The following MYL3 variants were observed in gnomAD, a reference collection of about 807,000 sequenced individuals.
MYL3 encodes the protein CMLC1.
In MYL3, 11 loss-of-function variants were observed where a neutral mutation model predicts 21.3. The observed-to-expected ratio is 0.52, with a 90% CI of 0.32 to 0.85. MYL3 has a LOEUF of 0.85. MYL3 is among the 40% of genes least tolerant of loss of function. The probability of loss-of-function intolerance (pLI) is 0.03; values close to 1 mark genes in which losing one functional copy is unlikely to be tolerated. For missense variants in MYL3, 206 were observed against 253.3 expected (o/e 0.81, Z 1.27); for synonymous variants, 88 against 91.6 (o/e 0.96, Z 0.22).
chr3:46,871,429 TGGCACATCCG>T (rs1702112308), intron 1 of MYL3, among the ~76,000 whole-genome samples: 1 of 152,102 alleles, frequency 6.6e-6, no homozygotes, highest in Non-Finnish European at 1.5e-5. Flanking sequence ...GTGTTGTTCT[TGGCACATCCG>T]GGCCAGATAA....
At chr3:46,872,212 C>A (rs2029958030) in intron 1 of MYL3, among the ~76,000 whole-genome samples, 1 of 152,158 alleles carries the variant, frequency 6.6e-6, no homozygotes, top group South Asian at 2.1e-4. Flanking sequence ...GAGCTTGAAG[C>A]CAAGACAACA....
At chr3:46,862,082 G>A (rs1486474050) in intron 1 of MYL3, among the ~76,000 whole-genome samples, 1 of 152,216 alleles carries the variant, frequency 6.6e-6, no homozygotes, top group Non-Finnish European at 1.5e-5. Context: ...GCAACCTGGG[G>A]ATGGGGGAAG....
At chr3:46,877,155 G>A (rs1422430881) in intron 1 of MYL3, among the ~76,000 whole-genome samples, 1 of 152,180 alleles carries the variant, frequency 6.6e-6, no homozygotes, top group African/African-American at 2.4e-5. Flanking sequence ...TGAGGTGGCT[G>A]TGGGGCTGTA....
chr3:46,871,312 T>G (rs1241455272), intron 1 of MYL3, among the ~76,000 whole-genome samples: 1 of 151,942 alleles, frequency 6.6e-6, no homozygotes, highest in Non-Finnish European at 1.5e-5. Context: ...CACTGCCTCC[T>G]CTCACCCCAC....
chr3:46,859,385 C>A lies in MYL3; in HGVS notation c.481+90G>T. The A allele has an allele frequency of 6.5e-7, 1 of 1,538,770 alleles. No individual in the cohort carries two copies. Among genetic ancestry groups the A allele is most frequent in the Admixed American group, 1.7e-5 (1 of 59,256 alleles). ...TAATTATGTAACTCTCTCCATTTCA[C>A]CAATGGGTCACAGGCCTGGGGGGCA... On this transcript the variant is annotated intron_variant, in intron 4 of 6. Coordinates refer to ENST00000292327, the MANE Select transcript of MYL3 (RefSeq NM_000258.3). The surrounding 1 kb of genome is among the most constrained non-coding windows in gnomAD (Gnocchi z 4.1).
In MYL3 at chr3:46,857,965, C is replaced by T. The variant is rs1701945156; in HGVS notation, c.*150G>A. 2.4e-5 allele frequency: 13 copies of T among 546,728 alleles called. No homozygotes were observed. Among genetic ancestry groups the T allele is most frequent in the Non-Finnish European group, 3.3e-5 (10 of 302,546 alleles). The allele number at this position is 546,728 out of a possible 1,614,324, so 33.9% of individuals were successfully genotyped here. A position where few individuals can be genotyped will look rare whatever the true frequency, so the allele number is the denominator to read the frequency against. Reference sequence around the variant, plus strand: ...AGCACAGCCTGAGAGGGGCCAGAGACGGCAACCACGTGGAGAGGTCCAAGG... The same window carrying T: ...AGCACAGCCTGAGAGGGGCCAGAGATGGCAACCACGTGGAGAGGTCCAAGG... On this transcript the variant is annotated 3_prime_UTR_variant, in exon 7 of 7. Transcript: ENST00000292327. This position sits in a 1 kb window ranked among gnomAD's most constrained non-coding sequence, Gnocchi z 5.0.
At position 46,860,077 on chromosome 3, in the gene MYL3, C is replaced by CT. The variant is rs201879063; in HGVS notation, c.308-430dup. On this transcript the variant is annotated intron_variant, in intron 3 of 6. Transcript: ENST00000292327. The surrounding 1 kb of genome is among the most constrained non-coding windows in gnomAD (Gnocchi z 4.6). ...CTTGGTGGGGGCTTGGGCCTCACTCCTTTTTTTTTTTTTAGCTTTAAAATT... is the reference window on the plus strand; with the variant it reads ...CTTGGTGGGGGCTTGGGCCTCACTCCTTTTTTTTTTTTTTAGCTTTAAAATT... 4.3e-3 allele frequency among the ~76,000 whole-genome samples: 611 copies of CT among 142,632 alleles called. 2 individuals carry two copies. The highest frequency in any genetic ancestry group is 0.013 in the African/African-American group (499 of 39,012). The allele number at this position is 142,632 out of a possible 152,430, so 93.6% of individuals were successfully genotyped here. A position where few individuals can be genotyped will look rare whatever the true frequency, so the allele number is the denominator to read the frequency against.
rs41289642 is a variant in MYL3, at chr3:46,858,696, G to T, written c.482-235C>A. ...CTCTGTCCCACTAGGCTGGGAGGGGGTCCCTCCGCCAGGACGAAGCCAGGG... is the reference window on the plus strand; with the variant it reads ...CTCTGTCCCACTAGGCTGGGAGGGGTTCCCTCCGCCAGGACGAAGCCAGGG... On this transcript the variant is annotated intron_variant, in intron 4 of 6. Coordinates refer to ENST00000292327, the MANE Select transcript of MYL3 (RefSeq NM_000258.3). 3.9e-3 allele frequency among the ~76,000 whole-genome samples: 593 copies of T among 152,284 alleles called. 1 individual carries two copies. The highest frequency in any genetic ancestry group is 5.6e-3 in the Non-Finnish European group (384 of 68,016).
chr3:46,878,494 T>G (rs1230692838), intron 1 of MYL3, among the ~76,000 whole-genome samples: 1 of 152,156 alleles, frequency 6.6e-6, no homozygotes, highest in Non-Finnish European at 1.5e-5. Flanking sequence ...CAGTCTGGGA[T>G]CAGGGCTAAG....
At position 46,863,333 on chromosome 3, in the gene MYL3, C is replaced by A. The variant is rs1384774790; in HGVS notation, c.58G>T (p.Ala20Ser). ...TCAGGGGGAGGTGCGGGAGCTGGAG[C>A]TGCCTTGGGGGCTGCCTTGGCATCA... ...KDDAKAAPKA[A>S]PAPAPPPEPE... The change falls in exon 1 of 7, where the codon GCT becomes TCT. Residue 20 changes from alanine to serine, a missense_variant. Transcript: ENST00000292327. The A allele has an allele frequency of 6.2e-7, 1 of 1,613,984 alleles. No individual in the cohort carries two copies. Among genetic ancestry groups the A allele is most frequent in the Admixed American group, 1.7e-5 (1 of 60,028 alleles).
At chr3:46,880,803 G>C (rs1479551423) in intron 1 of MYL3, among the ~76,000 whole-genome samples, 5 of 152,182 alleles carry the variant, frequency 3.3e-5, no homozygotes, top group Non-Finnish European at 7.3e-5. Flanking sequence ...AATGCACCTG[G>C]GAGTGCAGTC....
Position 46,858,586 on chromosome 3 carries a change from C to A in MYL3, c.482-125G>T. ...GTATTCCCACAACCAGCACTGTTCA[C>A]AAGACCTTGGCCATCACCCCATTTC... On this transcript the variant is annotated intron_variant, in intron 4 of 6. Transcript: ENST00000292327. 1.6e-5 allele frequency: 15 copies of A among 939,742 alleles called. No homozygotes were observed. The South Asian group carries it at 1.9e-4, about 12-fold the overall frequency. 58.2% of individuals were successfully genotyped at this position (939,742 alleles called of 1,614,324 possible).
upstream of MYL3, among the ~76,000 whole-genome samples, chr3:46,866,852 G>A (rs1234970267): frequency 1.3e-5 from 2 of 152,128 alleles, no homozygotes; most frequent in African/African-American, 4.8e-5. Flanking sequence ...CAATTCAGGC[G>A]TGCTCTTCAC....
rs1226795887 is a variant in MYL3 at position 46,874,696 on chromosome 3, C to A, written c.-218+7378G>T. Among the ~76,000 whole-genome samples, 2 of 152,310 alleles carry A rather than the reference C, an allele frequency of 1.3e-5. No individual in the cohort carries two copies. Among genetic ancestry groups the A allele is most frequent in the African/African-American group, 4.8e-5 (2 of 41,552 alleles). On this transcript the variant is annotated intron_variant, in intron 1 of 3. Transcript: ENST00000431168. The surrounding 1 kb of genome is among the most constrained non-coding windows in gnomAD (Gnocchi z 4.1). Reference sequence around the variant, plus strand: ...GGGAGAGGCGGAAACACGTGTCAAACACGCCTGGGAGGGGGTATTCCGAGG... The same window carrying A: ...GGGAGAGGCGGAAACACGTGTCAAAAACGCCTGGGAGGGGGTATTCCGAGG...
At chr3:46,867,044 A>G (rs374297849), upstream of MYL3, among the ~76,000 whole-genome samples, 293 of 151,960 alleles carry the variant, frequency 1.9e-3, 11 homozygotes, top group South Asian at 0.057. Flanking sequence ...CCCCAGACTC[A>G]GGTCTCACAA....
chr3:46,865,696 G>A (rs115268966), upstream of MYL3, among the ~76,000 whole-genome samples: 184 of 152,336 alleles, frequency 1.2e-3, 1 homozygote, highest in African/African-American at 4.2e-3. This position sits in a 1 kb window ranked among gnomAD's most constrained non-coding sequence, Gnocchi z 4.3. Context: ...GTCCAGGTCT[G>A]TGATCTGGGA....
upstream of MYL3, among the ~76,000 whole-genome samples, chr3:46,867,848 A>C (rs2106919842): frequency 6.6e-6 from 1 of 152,348 alleles, no homozygotes; most frequent in African/African-American, 2.4e-5. Context: ...CTCACTTACC[A>C]GGGCCCACTT....
intron 1 of MYL3, among the ~76,000 whole-genome samples, chr3:46,869,083 T>C (rs1702077785): frequency 1.3e-5 from 2 of 152,146 alleles, no homozygotes; most frequent in Admixed American, 6.5e-5. Flanking sequence ...TCCCCAGCTC[T>C]GCCTGCTGGT....
At position 46,861,063 on chromosome 3, in the gene MYL3, C is replaced by T. The variant is rs1287931059; in HGVS notation, c.130-76G>A. On this transcript the variant is annotated intron_variant, in intron 1 of 6. Transcript: ENST00000292327. This position sits in a 1 kb window ranked among gnomAD's most constrained non-coding sequence, Gnocchi z 4.2. ...CACCTCCTCCTGGGCACTCGGTGGC[C>T]AGCCCAGAATGTCAACTGTCTCAGC... 1.3e-6 allele frequency: 2 copies of T among 1,544,382 alleles called. No homozygotes were observed. Among genetic ancestry groups the T allele is most frequent in the Non-Finnish European group, 1.8e-6 (2 of 1,118,606 alleles).
Sources: allele counts gnomAD v4.1 joint callset (sites outside exome capture counted in the v4.1 genomes callset), GRCh38; gene constraint gnomAD v4.1.1; non-coding constraint Gnocchi (gnomAD v3.1); transcripts MANE v1.5; gene names NCBI Gene and HGNC (gene_info 2026-07-23, HGNC 2026-07-21).